Variants in MARCHF8 observed in about 807,000 individuals in gnomAD.
The protein encoded by MARCHF8 is membrane associated ring-CH-type finger 8, also known as E3 ubiquitin-protein ligase MARCHF8.
A neutral mutation model predicts 51.6 loss-of-function variants in MARCHF8; 40 were observed. The observed-to-expected ratio is 0.77, with a 90% confidence interval of 0.60 to 1.01. The LOEUF (loss-of-function observed/expected upper bound fraction) is 1.01, where lower values mean the gene tolerates loss of function less well. Among genes scored for constraint, MARCHF8 ranks in the 50% least tolerant of loss-of-function variants. MARCHF8 has a pLI of 0.00. For synonymous variants in MARCHF8, 263 were observed against 280.3 expected (o/e 0.94, Z 0.62); for missense variants, 685 against 708.6 (o/e 0.97, Z 0.38).
chr10:45,562,399 G>A (rs1166112899), intron 1 of MARCHF8, among the ~76,000 whole-genome samples: 1 of 152,174 alleles, frequency 6.6e-6, no homozygotes, highest in Non-Finnish European at 1.5e-5. Context: ...TTAAAACACA[G>A]AGAGTAAAGA....
At chr10:45,477,005 A>G (rs1353856583) in intron 3 of MARCHF8, among the ~76,000 whole-genome samples, 1 of 152,214 alleles carries the variant, frequency 6.6e-6, no homozygotes, top group Non-Finnish European at 1.5e-5. Flanking sequence ...TAAGAAGCTC[A>G]GAGATATCCA....
intron 2 of MARCHF8, among the ~76,000 whole-genome samples, chr10:45,508,609 A>C (rs2043433036): frequency 6.6e-6 from 1 of 152,154 alleles, no homozygotes. Flanking sequence ...TTTACTATGG[A>C]GATGGAGTTT....
chr10:45,465,296 C>T (rs1842932619), intron 3 of MARCHF8, among the ~76,000 whole-genome samples: 1 of 152,208 alleles, frequency 6.6e-6, no homozygotes, highest in African/African-American at 2.4e-5. Context: ...GCAACCCCAA[C>T]AGCCCCAGGA....
intron 2 of MARCHF8, among the ~76,000 whole-genome samples, chr10:45,526,501 G>A (rs562089496): frequency 8.1e-4 from 124 of 152,208 alleles, no homozygotes; most frequent in Middle Eastern, 6.8e-3. Context: ...ACAGGCTTCC[G>A]AGCCCTGAGC....
chr10:45,592,185 CAAGA>C (rs749464840), intron 1 of MARCHF8, among the ~76,000 whole-genome samples: 12 of 150,174 alleles, frequency 8.0e-5, no homozygotes, highest in East Asian at 3.9e-4. Context: ...TTGGTCTGGA[CAAGA>C]AAGAAAGAAA....
At chr10:45,563,281 C>G (rs1221834002) in intron 1 of MARCHF8, among the ~76,000 whole-genome samples, 1 of 152,160 alleles carries the variant, frequency 6.6e-6, no homozygotes, top group Non-Finnish European at 1.5e-5. Flanking sequence ...CCTGCCTCGG[C>G]CTCCCAAAGT....
intron 3 of MARCHF8, among the ~76,000 whole-genome samples, chr10:45,470,684 A>G (rs921488435): frequency 6.6e-6 from 1 of 152,130 alleles, no homozygotes; most frequent in African/African-American, 2.4e-5. Flanking sequence ...CCTGCTCATG[A>G]GATTGCTAGC....
At chr10:45,582,608 C>T (rs1407130186) in intron 1 of MARCHF8, among the ~76,000 whole-genome samples, 1 of 152,220 alleles carries the variant, frequency 6.6e-6, no homozygotes, top group Non-Finnish European at 1.5e-5. Flanking sequence ...GGCAAGGCTG[C>T]TTGCCAGAGG....
intron 3 of MARCHF8, 55 bp downstream of exon 3, chr10:45,489,312 C>T: frequency 7.7e-7 from 1 of 1,300,248 alleles, no homozygotes; most frequent in South Asian, 1.2e-5. Flanking sequence ...ACATGTAAGG[C>T]ATAAGAACAG....
At chr10:45,460,651 C>T (rs1014595167) in intron 6 of MARCHF8, among the ~76,000 whole-genome samples, 1 of 152,202 alleles carries the variant, frequency 6.6e-6, no homozygotes, top group Admixed American at 6.5e-5. Flanking sequence ...GGACAAAGCT[C>T]CTCTCAGAGG....
intron 3 of MARCHF8, among the ~76,000 whole-genome samples, chr10:45,487,570 G>T (rs1199890942): frequency 6.6e-6 from 1 of 152,184 alleles, no homozygotes; most frequent in Non-Finnish European, 1.5e-5. Context: ...GTTTACCACT[G>T]CATAGTTCTA....
chr10:45,523,016 ATATG>A (rs2133241775), intron 2 of MARCHF8, among the ~76,000 whole-genome samples: 1 of 152,348 alleles, frequency 6.6e-6, no homozygotes, highest in African/African-American at 2.4e-5. Flanking sequence ...GAATGAAAAA[ATATG>A]TGTGTGCAGT....
intron 2 of MARCHF8, among the ~76,000 whole-genome samples, chr10:45,513,648 G>A (rs951151029): frequency 6.6e-6 from 1 of 152,026 alleles, no homozygotes; most frequent in African/African-American, 2.4e-5. Flanking sequence ...CACAGCTCAA[G>A]AACATCTCAT....
rs1456524177 is a variant in MARCHF8 at position 45,463,272 on chromosome 10, T to C, written c.967A>G (p.Ser323Gly). Residue 323 changes from serine to glycine, a missense_variant, in exon 5 of 8, where the codon AGT becomes GGT. Ser to Gly is a moderately conservative substitution (Grantham distance 56). Coordinates refer to ENST00000453424, the MANE Select transcript of MARCHF8 (RefSeq NM_001282866.2). ...FEDSTSAKLKSRVLRAPLCST... is the reference protein window; with the variant it reads ...FEDSTSAKLKGRVLRAPLCST... ...CAGAGGGGCGCCCGCAGAACCCTAC[T>C]CTTCAGTTTTGCAGATGTGCTGTCC... 1 of 1,550,832 alleles carries C rather than the reference T, an allele frequency of 6.4e-7. No homozygotes were observed. The highest frequency in any genetic ancestry group is 8.7e-7 in the Non-Finnish European group (1 of 1,147,082).
At chr10:45,548,368 G>A (rs914275917) in intron 1 of MARCHF8, among the ~76,000 whole-genome samples, 2 of 152,138 alleles carry the variant, frequency 1.3e-5, no homozygotes, top group Admixed American at 6.5e-5. Flanking sequence ...GGCAGGACTC[G>A]GCTCCAGACA....
intron 1 of MARCHF8, among the ~76,000 whole-genome samples, chr10:45,565,652 A>G (rs1053847264): frequency 4.0e-5 from 6 of 151,898 alleles, no homozygotes; most frequent in African/African-American, 1.5e-4. Context: ...AGTAGCAGGA[A>G]AAAAAAAGGA....
intron 2 of MARCHF8, among the ~76,000 whole-genome samples, chr10:45,508,672 T>C (rs1455264758): frequency 1.3e-5 from 2 of 152,216 alleles, no homozygotes; most frequent in African/African-American, 4.8e-5. Context: ...ATCTTTTCAC[T>C]TGATATTCTG....
Position 45,464,269 on chromosome 10 carries a change from G to C in MARCHF8, c.212C>G (p.Ser71Cys), listed in dbSNP as rs150538533. 1 of 1,614,222 alleles carries C rather than the reference G, an allele frequency of 6.2e-7. No individual in the cohort carries two copies. ...PAPVSSFSRT[S>C]ITPSSQDICS... is the part of the protein sequence containing the mutation. ...GATGTCCTGGCTGGATGGCGTGATA[G>C]AAGTGCGAGAGAAGGAGGACACCGG... is the stretch of plus-strand genomic sequence containing the variant. Residue 71 changes from serine to cysteine, a missense_variant, in exon 4 of 8, where the codon TCT (serine) becomes TGT (cysteine). By Grantham distance (112) the Ser-to-Cys change is moderately radical. Transcript: ENST00000453424.
intron 1 of MARCHF8, among the ~76,000 whole-genome samples, chr10:45,533,959 A>G (rs1203015100): frequency 1.3e-5 from 2 of 152,142 alleles, no homozygotes; most frequent in South Asian, 2.1e-4. Flanking sequence ...CAAGGCGGGC[A>G]AATCACGAGG....
Sources: gnomAD v4.1 joint callset for allele counts (sites outside exome capture counted in the v4.1 genomes callset) on GRCh38, gnomAD v4.1.1 for gene constraint, MANE v1.5 for transcripts, NCBI Gene and HGNC (gene_info 2026-07-23, HGNC 2026-07-21) for gene names.